The following COP1 variants were observed in gnomAD, a reference collection of about 807,000 sequenced individuals.
COP1 encodes COP1 E3 ubiquitin ligase.
Under a neutral mutation model 101.3 loss-of-function variants are expected in COP1, and 24 were observed. The ratio of observed to expected loss-of-function variants is 0.24; its 90% CI spans 0.17 to 0.33. The LOEUF is 0.33. Among genes scored for constraint, COP1 ranks in the 10% least tolerant of loss-of-function variants. The pLI is 1.00. For synonymous variants in COP1, 347 were observed against 341.9 expected, an observed-to-expected ratio of 1.01 and a Z score of -0.17; for missense variants, 663 against 906.2, an observed-to-expected ratio of 0.73 and a Z score of 3.45.
intron 14 of COP1, among the ~76,000 whole-genome samples, chr1:176,037,406 C>G (rs1449705591): frequency 8.7e-6 from 1 of 114,800 alleles, no homozygotes; most frequent in African/African-American, 3.3e-5. Flanking sequence ...GACTCCGTCT[C>G]AAAAAAAAAA....
At chr1:176,131,793 G>A (rs1688938506) in intron 8 of COP1, among the ~76,000 whole-genome samples, 2 of 151,674 alleles carry the variant, frequency 1.3e-5, no homozygotes, top group African/African-American at 4.8e-5. Context: ...GTATTTAAGG[G>A]CTACATCATT....
chr1:176,157,504 C>A (rs1693658119), intron 5 of COP1, among the ~76,000 whole-genome samples: 1 of 152,090 alleles, frequency 6.6e-6, no homozygotes, highest in Non-Finnish European at 1.5e-5. Flanking sequence ...TACATGTTCC[C>A]AGCAGCCAGA....
Position 176,207,029 on chromosome 1 carries a change from T to C in COP1, c.-51A>G. ...CGCTCGGAGGAGAGGGACCGCGACC[T>C]CGACCCTCCGCCGCCTCCCCTCCCC... is the stretch of plus-strand genomic sequence containing the variant. On this transcript the variant is annotated 5_prime_UTR_variant, in exon 1 of 20. Transcript: ENST00000367669. 1 of 1,324,834 alleles carries C rather than the reference T, an allele frequency of 7.5e-7. No homozygotes were observed. Among genetic ancestry groups the C allele is most frequent in the Non-Finnish European group, 9.7e-7 (1 of 1,035,372 alleles). The allele number at this position is 1,324,834 out of a possible 1,614,324, so 82.1% of individuals were successfully genotyped here. A position where few individuals can be genotyped will look rare whatever the true frequency, so the allele number is the denominator to read the frequency against.
At position 176,168,682 on chromosome 1, in the gene COP1, G is replaced by A. The variant is rs74511988; in HGVS notation, c.566-4791C>T. 22 of 307,324 alleles carry A rather than the reference G, an allele frequency of 7.2e-5. No homozygotes were observed. In the East Asian group the frequency reaches 2.9e-3, roughly 41 times the overall value. 19.0% of individuals were successfully genotyped at this position (307,324 alleles called of 1,614,324 possible). On this transcript the variant is annotated intron_variant, in intron 3 of 19. Transcript: ENST00000367669. ...GCCCTTACCTGAATCAGCCTTTCAG[G>A]ATCAGGAGAGGGAAAGAGAGCATTC...
chr1:176,147,483 T>C (rs183008528), intron 6 of COP1, among the ~76,000 whole-genome samples: 44 of 152,270 alleles, frequency 2.9e-4, no homozygotes, highest in Non-Finnish European at 8.8e-5. Context: ...AATGTATTAA[T>C]GACAGTACAA....
chr1:176,044,583 A>G (rs1348826727), intron 12 of COP1, among the ~76,000 whole-genome samples: 1 of 152,226 alleles, frequency 6.6e-6, no homozygotes, highest in Non-Finnish European at 1.5e-5. Context: ...ATTTTTAAAT[A>G]TACTTAATTA....
In COP1 at chr1:176,175,565, G is replaced by A. The variant is rs1696812557; in HGVS notation, c.565+345C>T. Among the ~76,000 whole-genome samples the A allele has an allele frequency of 2.6e-5, 4 of 152,204 alleles. No homozygotes were observed. The South Asian group carries it at 8.3e-4, about 32-fold the overall frequency. On this transcript the variant is annotated intron_variant, in intron 3 of 19. Transcript: ENST00000367669. ...CTAATGCCACCCACTGATCTGACAG[G>A]AGACAGAGCACAGGCAGTAGTGCTC...
chr1:176,092,271 AACAT>A (rs1480603241), intron 9 of COP1, among the ~76,000 whole-genome samples: 1 of 152,178 alleles, frequency 6.6e-6, no homozygotes, highest in Non-Finnish European at 1.5e-5. Context: ...GCATGCATAG[AACAT>A]TTACAAAAAC....
rs1334377280 is a variant in COP1, at chr1:176,206,932, G to C, written c.47C>G (p.Pro16Arg). ...QAGSGSAGTS[P>R]GSSAASSVTS... ...CACCGAGGAGGCCGCCGAGGACCCG[G>C]GGCTTGTCCCAGCGGAGCCCGACCC... is the stretch of plus-strand genomic sequence containing the variant. The change falls in exon 1 of 20, where the codon CCC (proline) becomes CGC (arginine). Residue 16 changes from proline to arginine, a missense_variant. By Grantham distance (103) the Pro-to-Arg change is moderately radical. Coordinates refer to ENST00000367669, the MANE Select transcript of COP1 (RefSeq NM_022457.7). 6.2e-6 allele frequency: 9 copies of C among 1,460,352 alleles called. 1 individual carries two copies. In the South Asian group the frequency reaches 1.2e-4, roughly 19 times the overall value. 90.5% of individuals were successfully genotyped at this position (1,460,352 alleles called of 1,614,324 possible).
At chr1:176,031,194 A>ATG (rs1668593888) in intron 14 of COP1, among the ~76,000 whole-genome samples, 1 of 152,212 alleles carries the variant, frequency 6.6e-6, no homozygotes, top group Admixed American at 6.5e-5. Context: ...TGTTTGTGGT[A>ATG]TGCTTTCTTA....
At chr1:176,014,396 C>T (rs75741442) in intron 15 of COP1, among the ~76,000 whole-genome samples, 126 of 152,256 alleles carry the variant, frequency 8.3e-4, no homozygotes, top group African/African-American at 2.9e-3. Flanking sequence ...GTTATGCTGC[C>T]TAGTTGCAAC....
intron 14 of COP1, among the ~76,000 whole-genome samples, chr1:176,038,632 A>G (rs966567991): frequency 2.0e-5 from 3 of 152,122 alleles, no homozygotes; most frequent in Non-Finnish European, 2.9e-5. Context: ...AGCCTGACCA[A>G]TATGGTGAAA....
intron 15 of COP1, among the ~76,000 whole-genome samples, chr1:176,012,550 T>C (rs1469757002): frequency 3.3e-5 from 5 of 152,232 alleles, no homozygotes; most frequent in Non-Finnish European, 7.3e-5. Flanking sequence ...AAATTTAGTA[T>C]AGCCTAAGTA....
intron 15 of COP1, among the ~76,000 whole-genome samples, chr1:175,994,992 G>A (rs1001976222): frequency 2.0e-5 from 3 of 152,116 alleles, no homozygotes; most frequent in South Asian, 2.1e-4. Context: ...CACATAGTTG[G>A]AAGTAAAGCT....
At chr1:175,993,151 T>C (rs973286085) in intron 15 of COP1, among the ~76,000 whole-genome samples, 1 of 152,176 alleles carries the variant, frequency 6.6e-6, no homozygotes, top group African/African-American at 2.4e-5. Flanking sequence ...AGTGGACCTC[T>C]AGCAAACTAC....
rs142429240 is a variant in COP1, at chr1:176,110,019, T to C, written c.1026+6605A>G. Among the ~76,000 whole-genome samples the C allele has an allele frequency of 9.2e-3, 1,407 of 152,238 alleles. 24 individuals are homozygous for C. Among genetic ancestry groups the C allele is most frequent in the African/African-American group, 0.032 (1,337 of 41,548 alleles). On this transcript the variant is annotated intron_variant, in intron 9 of 19. Coordinates refer to ENST00000367669, the MANE Select transcript of COP1 (RefSeq NM_022457.7). Reference sequence around the variant, plus strand: ...GTTTCCACTAGCGGTATTTTTTGAGTGCACTGATTTTTTAACACACAGGTA... The same window carrying C: ...GTTTCCACTAGCGGTATTTTTTGAGCGCACTGATTTTTTAACACACAGGTA...
intron 10 of COP1, among the ~76,000 whole-genome samples, chr1:176,081,665 G>A (rs1177750964): frequency 3.3e-5 from 5 of 152,028 alleles, no homozygotes; most frequent in Admixed American, 6.6e-5. Flanking sequence ...TTGAAGGAAC[G>A]TGTTTACTGG....
chr1:175,966,366 C>T (rs1408859367), intron 18 of COP1, among the ~76,000 whole-genome samples: 1 of 152,056 alleles, frequency 6.6e-6, no homozygotes, highest in East Asian at 1.9e-4. Context: ...CACTATAGGT[C>T]AGTGACTTAG....
rs572295090 is a variant in COP1 at position 176,079,352 on chromosome 1, A to G, written c.1277+1800T>C. Among the ~76,000 whole-genome samples, 103 of 152,342 alleles carry G rather than the reference A, an allele frequency of 6.8e-4. 3 individuals are homozygous for G. The highest frequency in any genetic ancestry group is 2.5e-3 in the African/African-American group (102 of 41,588). On this transcript the variant is annotated intron_variant, in intron 11 of 19. Transcript: ENST00000367669. ...AGCAACATGAGTGAAGCTAGAGGCC[A>G]TTATCCTAAGTGAATTAATGCAAGA... is the stretch of plus-strand genomic sequence containing the variant.
Sources: allele counts gnomAD v4.1 joint callset (sites outside exome capture counted in the v4.1 genomes callset), GRCh38; gene constraint gnomAD v4.1.1; transcripts MANE v1.5; gene names NCBI Gene and HGNC (gene_info 2026-07-23, HGNC 2026-07-21).